ELF1: variants seen among roughly 807,000 people sequenced by gnomAD.
ELF1 encodes the protein E74 like ETS transcription factor 1, also known as ETS-related transcription factor Elf-1.
Under a neutral mutation model 59.9 loss-of-function variants are expected in ELF1, and 24 were observed. The ratio of observed to expected loss-of-function variants is 0.40; its 90% CI spans 0.29 to 0.56. The LOEUF is 0.56. ELF1 is among the 20% of genes least tolerant of loss of function. The pLI is 0.44. For synonymous variants in ELF1, 248 were observed against 266.2 expected, an observed-to-expected ratio of 0.93 and a Z score of 0.67; for missense variants, 627 against 742.2, an observed-to-expected ratio of 0.84 and a Z score of 1.80.
intron 2 of ELF1, among the ~76,000 whole-genome samples, chr13:40,972,302 G>A (rs892100823): frequency 1.3e-5 from 2 of 152,094 alleles, no homozygotes; most frequent in Admixed American, 1.3e-4. Context: ...ACTGAACAAC[G>A]CCAGGGCAAA....
At chr13:41,036,025 C>T (rs1267112610) in intron 1 of ELF1, among the ~76,000 whole-genome samples, 1 of 151,958 alleles carries the variant, frequency 6.6e-6, no homozygotes, top group East Asian at 1.9e-4. Context: ...CTGCCTCAGC[C>T]TCCCAAGTAG....
At chr13:41,030,442 G>A (rs376687253) in intron 1 of ELF1, among the ~76,000 whole-genome samples, 13 of 152,166 alleles carry the variant, frequency 8.5e-5, no homozygotes, top group South Asian at 2.1e-4. Flanking sequence ...ATGAAAAACC[G>A]AAAACAGAAG....
chr13:40,934,055 G>C (rs1219325951), intron 8 of ELF1, 27 bp from the exon 9 acceptor site: 22 of 1,583,104 alleles, frequency 1.4e-5, no homozygotes, highest in Non-Finnish European at 1.9e-5. Flanking sequence ...ATTAAAGTGA[G>C]ACAATTAGCA....
chr13:41,009,175 T>G (rs914080736), intron 1 of ELF1, among the ~76,000 whole-genome samples: 3 of 152,026 alleles, frequency 2.0e-5, no homozygotes, highest in African/African-American at 7.2e-5. Context: ...TCAAGTTTGT[T>G]TTAATTTCTA....
At chr13:40,948,756 A>G (rs1366614254) in intron 5 of ELF1, among the ~76,000 whole-genome samples, 1 of 152,196 alleles carries the variant, frequency 6.6e-6, no homozygotes, top group Non-Finnish European at 1.5e-5. Context: ...ACTCCTCTTC[A>G]GTTACTTACC....
At chr13:40,943,727 C>T in intron 6 of ELF1, 115 bp downstream of exon 6, 1 of 748,680 alleles carries the variant, frequency 1.3e-6, no homozygotes, top group Non-Finnish European at 2.0e-6. Flanking sequence ...AAGCATGTGG[C>T]AGCAATAAGA....
chr13:40,958,918 G>C lies in ELF1; in HGVS notation c.171C>G (p.Pro57=), dbSNP rs887109441. 16 of 1,613,828 alleles carry C rather than the reference G, an allele frequency of 9.9e-6. No homozygotes were observed. In the African/African-American group the frequency reaches 2.0e-4, roughly 20 times the overall value. ...GTGAACTCTCAGTAATCATGTCATT[G>C]GGCTCTTCCACACAGGCTAGACCGG... ...SYAGLACVEE[P]NDMITESSLD... is the part of the protein sequence containing the mutation. The change falls in exon 3 of 9, where the codon CCC becomes CCG. Residue 57 remains proline, a synonymous_variant. Transcript: ENST00000239882.
At chr13:40,960,478 A>C (rs1342545864) in intron 2 of ELF1, among the ~76,000 whole-genome samples, 5 of 152,124 alleles carry the variant, frequency 3.3e-5, no homozygotes, top group Non-Finnish European at 7.3e-5. Flanking sequence ...TTATGATTAG[A>C]TTCAGTTTGC....
At chr13:41,060,853 G>A (rs1593420288) in exon 1 of ELF1, 2 of 309,876 alleles carry the variant, frequency 6.5e-6, no homozygotes, top group East Asian at 7.7e-5. Flanking sequence ...AAGCATAAGT[G>A]CCTCTGCCTC....
chr13:40,963,360 CAG>C lies in ELF1; in HGVS notation c.73-4346_73-4345del, dbSNP rs561062280. ...CTATTATTTCCAAGGCTTCACCAATCAGAGTCTATAACAAAATTTCTCATGGG... is the reference window on the plus strand; with the variant it reads ...CTATTATTTCCAAGGCTTCACCAATCAGTCTATAACAAAATTTCTCATGGG... On this transcript the variant is annotated intron_variant, in intron 2 of 8. Coordinates refer to ENST00000239882, the MANE Select transcript of ELF1 (RefSeq NM_172373.4). Among the ~76,000 whole-genome samples, 71 of 152,332 alleles carry C rather than the reference CAG, an allele frequency of 4.7e-4. 1 individual carries two copies. In the South Asian group the frequency reaches 0.013, roughly 29 times the overall value.
At chr13:41,057,261 A>C (rs1417593148) in intron 1 of ELF1, among the ~76,000 whole-genome samples, 2 of 150,970 alleles carry the variant, frequency 1.3e-5, no homozygotes, top group Non-Finnish European at 2.9e-5. Flanking sequence ...GGCTCAATGG[A>C]TCCTCCCACC....
chr13:41,039,476 T>C (rs965390596), intron 1 of ELF1, among the ~76,000 whole-genome samples: 3 of 152,066 alleles, frequency 2.0e-5, no homozygotes, highest in African/African-American at 7.2e-5. Flanking sequence ...AGGCAATATA[T>C]TGTGGATGTG....
intron 2 of ELF1, among the ~76,000 whole-genome samples, chr13:40,962,921 G>A (rs1871934346): frequency 6.6e-6 from 1 of 152,166 alleles, no homozygotes; most frequent in Non-Finnish European, 1.5e-5. Context: ...TACTGTCTGA[G>A]CTTATAACAT....
chr13:40,940,307 T>C (rs1870048038), intron 8 of ELF1, among the ~76,000 whole-genome samples: 1 of 142,162 alleles, frequency 7.0e-6, no homozygotes, highest in South Asian at 2.2e-4. Flanking sequence ...TGCAGATCAG[T>C]CTAAGGCAGA....
At chr13:41,031,376 CCTT>C (rs559911830) in intron 1 of ELF1, among the ~76,000 whole-genome samples, 97 of 152,062 alleles carry the variant, frequency 6.4e-4, no homozygotes, top group Non-Finnish European at 2.1e-4. Flanking sequence ...ATTTCAGTTT[CCTT>C]TTTTGTAAAA....
In ELF1 at chr13:40,955,082, C is replaced by T. The variant is rs1301108982; in HGVS notation, c.254-3646G>A. 3.7e-4 allele frequency among the ~76,000 whole-genome samples: 55 copies of T among 150,014 alleles called. 3 individuals carry two copies. The East Asian group carries it at 9.6e-3, about 26-fold the overall frequency. On this transcript the variant is annotated intron_variant, in intron 3 of 8. Coordinates refer to ENST00000239882, the MANE Select transcript of ELF1 (RefSeq NM_172373.4). ...GCCGCCCTGTCTGGGATGTGAGGAG[C>T]GTCTCTGCCCGGCTGCCCCGTCTGA...
At chr13:41,049,643 A>G (rs1405334223) in intron 1 of ELF1, among the ~76,000 whole-genome samples, 1 of 151,776 alleles carries the variant, frequency 6.6e-6, no homozygotes, top group Non-Finnish European at 1.5e-5. Flanking sequence ...GCAAAATGCT[A>G]CTCCCTCAAT....
intron 1 of ELF1, among the ~76,000 whole-genome samples, chr13:41,013,784 A>C (rs1875208816): frequency 6.6e-6 from 1 of 152,118 alleles, no homozygotes; most frequent in South Asian, 2.1e-4. Flanking sequence ...AAAATAATGA[A>C]TTGCCCCATT....
intron 6 of ELF1, 115 bp from the exon 7 acceptor site, chr13:40,943,259 A>G: frequency 1.1e-6 from 1 of 920,322 alleles, no homozygotes; most frequent in Admixed American, 3.2e-5. Flanking sequence ...ATATTACATA[A>G]TTCAGTTAGT....
Sources: gnomAD v4.1 joint callset for allele counts (sites outside exome capture counted in the v4.1 genomes callset) on GRCh38, gnomAD v4.1.1 for gene constraint, MANE v1.5 for transcripts, NCBI Gene and HGNC (gene_info 2026-07-23, HGNC 2026-07-21) for gene names.